Variants in ARHGAP35 observed in about 807,000 individuals in gnomAD.
ARHGAP35 encodes Rho GTPase activating protein 35.
ARHGAP35 carries 15 observed loss-of-function variants against 111.1 expected under a neutral mutation model. The ratio of observed to expected loss-of-function variants is 0.13; its 90% confidence interval spans 0.09 to 0.21. The LOEUF (loss-of-function observed/expected upper bound fraction) is 0.21, where lower values mean the gene tolerates loss of function less well. Among genes scored for constraint, ARHGAP35 ranks in the 10% least tolerant of loss-of-function variants. The pLI is 1.00. For missense variants in ARHGAP35, 1,262 were observed against 1,873.0 expected, an observed-to-expected ratio of 0.67 and a Z score of 6.02; for synonymous variants, 643 against 710.3, an observed-to-expected ratio of 0.91 and a Z score of 1.51.
intron 1 of ARHGAP35, among the ~76,000 whole-genome samples, chr19:46,863,899 T>C (rs1028281145): frequency 3.3e-5 from 5 of 152,240 alleles, no homozygotes; most frequent in Non-Finnish European, 7.3e-5. Context: ...TCCAGCTTCC[T>C]GGTCTTCAAA....
chr19:46,882,357 C>T (rs1178955052), intron 1 of ARHGAP35, among the ~76,000 whole-genome samples: 2 of 151,998 alleles, frequency 1.3e-5, no homozygotes, highest in Non-Finnish European at 2.9e-5. Flanking sequence ...ATGCTGGTCT[C>T]GAATTCCTGG....
At chr19:46,946,871 A>G (rs1267747791) in intron 3 of ARHGAP35, 1 of 152,132 alleles carries the variant, frequency 6.6e-6, no homozygotes, top group African/African-American at 2.4e-5. Flanking sequence ...ATGAGCTCCT[A>G]AGCCCAGCTT....
rs890287816 is a variant in ARHGAP35, at chr19:46,919,492, G to A, written c.817G>A (p.Ala273Thr). ...GCAGCAGAGTCAGCAGATAGCTACA[G>A]CAAAAGACAAGTATGAGTGGCTGGT... is the stretch of plus-strand genomic sequence containing the variant. ...LKQQSQQIATAKDKYEWLVSR... is the reference protein window; with the variant it reads ...LKQQSQQIATTKDKYEWLVSR... The change falls in exon 2 of 7, where the codon GCA becomes ACA. Residue 273 changes from alanine (A) to threonine (T), a missense_variant. By Grantham distance (58) the Ala-to-Thr change is moderately conservative (BLOSUM62 0). This residue lies in a region of ARHGAP35 where 328 missense variants were observed against 440.8 expected (regional missense o/e 0.74). Coordinates refer to ENST00000672722, the MANE Select transcript of ARHGAP35 (RefSeq NM_004491.5). This position sits in a 1 kb window ranked among gnomAD's most constrained non-coding sequence, Gnocchi z 6.2. The A allele has an allele frequency of 8.1e-6, 13 of 1,613,952 alleles. No individual in the cohort carries two copies. Among genetic ancestry groups the A allele is most frequent in the Non-Finnish European group, 1.0e-5 (12 of 1,179,900 alleles).
In ARHGAP35 at chr19:46,918,122, G is replaced by A. The variant is rs1359819749; in HGVS notation, c.-188-366G>A. Among the ~76,000 whole-genome samples the A allele has an allele frequency of 6.6e-6, 1 of 152,298 alleles. No homozygotes were observed. The highest frequency in any genetic ancestry group is 1.9e-4 in the East Asian group (1 of 5,188). ...TGGGAGCCCCTTCAGGCTGGCTTCT[G>A]TGTCCTTGTGAGATGCTCCATCGTT... On this transcript the variant is annotated intron_variant, in intron 1 of 6. Transcript: ENST00000672722. The surrounding 1 kb of genome is among the most constrained non-coding windows in gnomAD (Gnocchi z 5.4).
At chr19:46,916,602 G>T (rs1204367916) in intron 1 of ARHGAP35, among the ~76,000 whole-genome samples, 1 of 152,076 alleles carries the variant, frequency 6.6e-6, no homozygotes, top group Admixed American at 6.5e-5. Context: ...GCCTCACAGA[G>T]CTTGCATTCT....
At chr19:46,929,339 G>C (rs760841389) in intron 2 of ARHGAP35, among the ~76,000 whole-genome samples, 2 of 152,134 alleles carry the variant, frequency 1.3e-5, no homozygotes, top group Non-Finnish European at 2.9e-5. Flanking sequence ...TTGCCAATCA[G>C]AAAGGCACGA....
At chr19:46,970,448 A>C (rs2056539756) in intron 3 of ARHGAP35, among the ~76,000 whole-genome samples, 1 of 152,168 alleles carries the variant, frequency 6.6e-6, no homozygotes, top group Non-Finnish European at 1.5e-5. Flanking sequence ...AGGGGTGCTT[A>C]ACCTAAGGTC....
chr19:46,933,510 C>T (rs1056226826), intron 2 of ARHGAP35, among the ~76,000 whole-genome samples: 3 of 152,098 alleles, frequency 2.0e-5, no homozygotes, highest in African/African-American at 7.2e-5. Context: ...CAAGAATTTT[C>T]ACTAGATTAT....
chr19:46,865,091 C>G (rs2055847967), intron 1 of ARHGAP35, among the ~76,000 whole-genome samples: 1 of 152,202 alleles, frequency 6.6e-6, no homozygotes, highest in South Asian at 2.1e-4. Context: ...CTGAGGCTAG[C>G]AGAGGCCCTA....
At chr19:46,917,445 T>C (rs922971159) in intron 1 of ARHGAP35, among the ~76,000 whole-genome samples, 1 of 151,942 alleles carries the variant, frequency 6.6e-6, no homozygotes, top group Non-Finnish European at 1.5e-5. Context: ...TCGTCTCTAC[T>C]AAAAATACAA....
chr19:46,942,664 T>A (rs2056355041), intron 3 of ARHGAP35, among the ~76,000 whole-genome samples: 1 of 150,706 alleles, frequency 6.6e-6, no homozygotes, highest in African/African-American at 2.4e-5. Flanking sequence ...AAAGCATGCA[T>A]GCATGCCAGG....
intron 1 of ARHGAP35, among the ~76,000 whole-genome samples, chr19:46,898,688 G>A (rs1166366706): frequency 6.6e-6 from 1 of 152,224 alleles, no homozygotes; most frequent in Non-Finnish European, 1.5e-5. Context: ...GAAAGGCTTG[G>A]GAGGAGCAAA....
chr19:46,960,526 G>GA (rs1479080592), intron 3 of ARHGAP35, among the ~76,000 whole-genome samples: 1 of 151,874 alleles, frequency 6.6e-6, no homozygotes, highest in Non-Finnish European at 1.5e-5. Context: ...ACAGATTGGA[G>GA]AAAAAAATAG....
chr19:46,863,814 G>C (rs1057224401), intron 1 of ARHGAP35, among the ~76,000 whole-genome samples: 2 of 152,204 alleles, frequency 1.3e-5, no homozygotes, highest in African/African-American at 4.8e-5. Context: ...ATGGCCTCTG[G>C]TTTGCAGTGT....
chr19:46,959,746 T>A (rs1389438676), intron 3 of ARHGAP35, among the ~76,000 whole-genome samples: 2 of 151,730 alleles, frequency 1.3e-5, no homozygotes, highest in East Asian at 1.9e-4. Context: ...CTACTGATGA[T>A]GACTTCCTCA....
At chr19:46,998,150 C>T (rs969901092) in intron 5 of ARHGAP35, among the ~76,000 whole-genome samples, 6 of 152,154 alleles carry the variant, frequency 3.9e-5, no homozygotes, top group Middle Eastern at 6.8e-3. Context: ...TCAGGGAGTC[C>T]GCACCCCTCC....
intron 3 of ARHGAP35, among the ~76,000 whole-genome samples, chr19:46,971,502 T>G (rs577886465): frequency 1.1e-4 from 16 of 151,578 alleles, no homozygotes; most frequent in East Asian, 7.7e-4. Context: ...TTCTCTTTTT[T>G]GGGGTTTTTT....
At chr19:46,978,704 CA>C (rs2056597410) in intron 3 of ARHGAP35, among the ~76,000 whole-genome samples, 2 of 8,012 alleles carry the variant, frequency 2.5e-4, no homozygotes, top group African/African-American at 1.4e-3. Context: ...TGTGGTGGGG[CA>C]TGTGTGTGGT....
chr19:46,934,056 C>A (rs1279873645), intron 2 of ARHGAP35, among the ~76,000 whole-genome samples: 3 of 152,040 alleles, frequency 2.0e-5, no homozygotes, highest in Non-Finnish European at 4.4e-5. Flanking sequence ...TCCTTCACAG[C>A]GGTTTATTTG....
Sources: gnomAD v4.1 joint callset for allele counts (sites outside exome capture counted in the v4.1 genomes callset) on GRCh38, gnomAD v4.1.1 for gene constraint, gnomAD v4.1.1 regional missense constraint, Gnocchi (gnomAD v3.1) non-coding constraint, MANE v1.5 for transcripts, NCBI Gene and HGNC (gene_info 2026-07-23, HGNC 2026-07-21) for gene names.